MAPKAP1: variants seen among roughly 807,000 people sequenced by gnomAD.
MAPKAP1 encodes target of rapamycin complex 2 subunit MAPKAP1.
In MAPKAP1, 20 loss-of-function variants were observed where a neutral mutation model predicts 65.7. The ratio of observed to expected loss-of-function variants is 0.30; its 90% CI spans 0.21 to 0.44. The LOEUF (loss-of-function observed/expected upper bound fraction) is 0.44. Ranked by LOEUF, MAPKAP1 falls within the 20% of genes least tolerant of loss-of-function variation. The pLI is 1.00. For missense variants in MAPKAP1, 423 were observed against 648.0 expected (o/e 0.65, Z 3.77); for synonymous variants, 222 against 244.3 (o/e 0.91, Z 0.85).
At chr9:125,484,624 G>C in intron 8 of MAPKAP1, 41 bp from the exon 9 acceptor site, 1 of 1,563,166 alleles carries the variant, frequency 6.4e-7, no homozygotes. Flanking sequence ...AGATACATGA[G>C]GCTTGGCAAA....
At chr9:125,694,765 A>T (rs1412217138) in intron 1 of MAPKAP1, among the ~76,000 whole-genome samples, 2 of 152,232 alleles carry the variant, frequency 1.3e-5, no homozygotes, top group African/African-American at 4.8e-5. Flanking sequence ...AATGGACAGA[A>T]GGTACAAATG....
intron 8 of MAPKAP1, among the ~76,000 whole-genome samples, chr9:125,503,038 C>G (rs1829031422): frequency 6.6e-6 from 1 of 152,114 alleles, no homozygotes; most frequent in Non-Finnish European, 1.5e-5. Context: ...AAAACGTATT[C>G]TGCCTCATGT....
intron 10 of MAPKAP1, among the ~76,000 whole-genome samples, chr9:125,457,848 G>C (rs542477092): frequency 1.3e-5 from 2 of 152,336 alleles, no homozygotes; most frequent in East Asian, 3.9e-4. Flanking sequence ...AGGTCCCACT[G>C]CAGGCATGCA....
rs1196998084 is a variant in MAPKAP1, at chr9:125,689,432, C to CT, written c.-69-16790dup. ...CCTGGGCGACAGAGTGAGACTCCAT[C>CT]TCGGAAAAAAAAAAAAAAAAAAAAA... On this transcript the variant is annotated intron_variant, in intron 1 of 11. Coordinates refer to ENST00000265960, the MANE Select transcript of MAPKAP1 (RefSeq NM_001006617.3). Among the ~76,000 whole-genome samples, 174 of 86,758 alleles carry CT rather than the reference C, an allele frequency of 2.0e-3. 2 individuals are homozygous for CT. The highest frequency in any genetic ancestry group is 8.1e-3 in the African/African-American group (162 of 20,056). 56.9% of individuals were successfully genotyped at this position (86,758 alleles called of 152,430 possible).
chr9:125,555,350 A>G (rs1443155149), intron 6 of MAPKAP1, among the ~76,000 whole-genome samples: 1 of 152,270 alleles, frequency 6.6e-6, no homozygotes, highest in Admixed American at 6.5e-5. Flanking sequence ...ACTGAGACTT[A>G]ACAAAGGTAA....
chr9:125,614,663 A>G (rs1832695275), intron 4 of MAPKAP1, among the ~76,000 whole-genome samples: 1 of 152,218 alleles, frequency 6.6e-6, no homozygotes, highest in African/African-American at 2.4e-5. Context: ...TAAGAGATTA[A>G]GGAGAAAAAT....
chr9:125,621,259 A>G (rs771760268), intron 4 of MAPKAP1, among the ~76,000 whole-genome samples: 1 of 152,018 alleles, frequency 6.6e-6, no homozygotes, highest in Non-Finnish European at 1.5e-5. Context: ...GAGCCAAAGC[A>G]AGACACTTTC....
At chr9:125,500,168 ATT>A in intron 8 of MAPKAP1, among the ~76,000 whole-genome samples, 1 of 152,158 alleles carries the variant, frequency 6.6e-6, no homozygotes, top group Non-Finnish European at 1.5e-5. Flanking sequence ...TTGTGTTTTT[ATT>A]TTTATTTTTT....
At chr9:125,596,238 A>G in intron 4 of MAPKAP1, 3 of 764,796 alleles carry the variant, frequency 3.9e-6, no homozygotes, top group Non-Finnish European at 7.1e-6. Context: ...TACTTCATCC[A>G]GCGAAAGAGG....
chr9:125,473,536 TAAAC>T (rs1329253368), intron 9 of MAPKAP1, among the ~76,000 whole-genome samples: 1 of 152,152 alleles, frequency 6.6e-6, no homozygotes, highest in Non-Finnish European at 1.5e-5. Context: ...CAGCTCAAAA[TAAAC>T]AAAAACGCAA....
At chr9:125,581,020 C>T (rs1032532021) in intron 5 of MAPKAP1, among the ~76,000 whole-genome samples, 2 of 152,202 alleles carry the variant, frequency 1.3e-5, no homozygotes, top group Admixed American at 1.3e-4. Flanking sequence ...ACCCAAGTCA[C>T]TGCATGTATG....
At chr9:125,460,823 T>G (rs1853467633) in intron 10 of MAPKAP1, among the ~76,000 whole-genome samples, 1 of 152,244 alleles carries the variant, frequency 6.6e-6, no homozygotes, top group Admixed American at 6.5e-5. Context: ...ACACTTGCTC[T>G]TGGCTGATTC....
chr9:125,631,002 C>T (rs2131684374), intron 4 of MAPKAP1, among the ~76,000 whole-genome samples: 1 of 151,580 alleles, frequency 6.6e-6, no homozygotes, highest in East Asian at 1.9e-4. Flanking sequence ...GAGGCTGAGG[C>T]AGAAGGACTG....
chr9:125,584,256 A>T (rs1028057888), intron 5 of MAPKAP1, among the ~76,000 whole-genome samples: 5 of 152,182 alleles, frequency 3.3e-5, no homozygotes, highest in African/African-American at 1.2e-4. Flanking sequence ...CTGCCACCAG[A>T]GCTTTGTGTC....
intron 5 of MAPKAP1, among the ~76,000 whole-genome samples, chr9:125,561,527 T>C (rs1466555345): frequency 6.6e-6 from 1 of 152,224 alleles, no homozygotes; most frequent in Non-Finnish European, 1.5e-5. Flanking sequence ...GGGAAACTTT[T>C]GGATCTCTGC....
chr9:125,563,913 A>T (rs942318918), intron 5 of MAPKAP1, among the ~76,000 whole-genome samples: 2 of 152,160 alleles, frequency 1.3e-5, no homozygotes, highest in African/African-American at 2.4e-5. Flanking sequence ...GGGTTTCGCC[A>T]TGTTGGCCAG....
At chr9:125,559,583 C>G in intron 6 of MAPKAP1, 50 bp downstream of exon 6, 1 of 1,531,594 alleles carries the variant, frequency 6.5e-7, no homozygotes, top group African/African-American at 1.4e-5. Context: ...ATCCAAAATG[C>G]TAGAAGGTTG....
chr9:125,606,042 A>G (rs1832429991), intron 4 of MAPKAP1, among the ~76,000 whole-genome samples: 2 of 152,352 alleles, frequency 1.3e-5, no homozygotes, highest in Admixed American at 1.3e-4. Flanking sequence ...AGCAGCTAGC[A>G]TATTTTATAA....
chr9:125,590,379 G>A (rs1831920556), intron 4 of MAPKAP1, among the ~76,000 whole-genome samples: 2 of 152,152 alleles, frequency 1.3e-5, no homozygotes, highest in African/African-American at 4.8e-5. Flanking sequence ...GCCAGGTGCG[G>A]TGGCTCACAC....
Sources: gnomAD v4.1 joint callset for allele counts (sites outside exome capture counted in the v4.1 genomes callset) on GRCh38, gnomAD v4.1.1 for gene constraint, MANE v1.5 for transcripts, NCBI Gene and HGNC (gene_info 2026-07-23, HGNC 2026-07-21) for gene names.